MALRD1: variants seen among roughly 807,000 people sequenced by gnomAD.
MALRD1 encodes the protein MAM and LDL-receptor class A domain-containing protein 1.
A neutral mutation model predicts 242.1 loss-of-function variants in MALRD1; 247 were observed. The observed-to-expected ratio is 1.02, with a 90% confidence interval of 0.92 to 1.13. The LOEUF is 1.13. Ranked by LOEUF, MALRD1 falls within the 50% of genes most tolerant of loss-of-function variation. The pLI, the probability that MALRD1 is intolerant of heterozygous loss-of-function variation, is 0.00. For missense variants in MALRD1, 2,989 were observed against 2,533.1 expected (o/e 1.18, Z -3.86); for synonymous variants, 995 against 866.6 (o/e 1.15, Z -2.60).
At chr10:19,714,921 A>G (rs900448568) in intron 38 of MALRD1, among the ~76,000 whole-genome samples, 1 of 152,102 alleles carries the variant, frequency 6.6e-6, no homozygotes, top group African/African-American at 2.4e-5. Flanking sequence ...CATAAATAGA[A>G]CTTGGGAAAT....
intron 33 of MALRD1, among the ~76,000 whole-genome samples, chr10:19,575,574 A>G (rs1030592719): frequency 2.0e-5 from 3 of 152,246 alleles, no homozygotes; most frequent in African/African-American, 7.2e-5. Flanking sequence ...AATTTTTTTC[A>G]TAATAAGGAT....
chr10:19,633,338 C>T (rs1397315123), intron 36 of MALRD1, among the ~76,000 whole-genome samples: 1 of 152,144 alleles, frequency 6.6e-6, no homozygotes, highest in Non-Finnish European at 1.5e-5. Flanking sequence ...TAATTAACTT[C>T]GAGGGGACTT....
At chr10:19,164,074 C>T (rs1834563543) in intron 12 of MALRD1, among the ~76,000 whole-genome samples, 1 of 152,210 alleles carries the variant, frequency 6.6e-6, no homozygotes, top group Admixed American at 6.5e-5. Context: ...CATGAATCCT[C>T]TCTTTCCATG....
At chr10:19,390,751 A>C (rs959010860) in intron 28 of MALRD1, among the ~76,000 whole-genome samples, 9 of 152,156 alleles carry the variant, frequency 5.9e-5, no homozygotes, top group Non-Finnish European at 1.3e-4. Flanking sequence ...CAAAGAGCTT[A>C]TACCTATGAA....
At chr10:19,417,008 A>G (rs977484145) in intron 28 of MALRD1, among the ~76,000 whole-genome samples, 1 of 152,218 alleles carries the variant, frequency 6.6e-6, no homozygotes. Context: ...GTCACATTCA[A>G]CAACTATGGC....
At chr10:19,389,716 T>A (rs996479673) in intron 28 of MALRD1, 107 bp downstream of exon 28, 1 of 1,226,922 alleles carries the variant, frequency 8.2e-7, no homozygotes, top group African/African-American at 1.5e-5. Flanking sequence ...CATGGCTTAC[T>A]GCAGCCTCCA....
At chr10:19,430,614 T>C (rs1373491697) in intron 28 of MALRD1, among the ~76,000 whole-genome samples, 1 of 152,196 alleles carries the variant, frequency 6.6e-6, no homozygotes, top group Non-Finnish European at 1.5e-5. Flanking sequence ...ATGTTTTCCT[T>C]GCCTTTTATC....
At chr10:19,376,542 C>CTTTTT (rs57836152) in intron 26 of MALRD1, among the ~76,000 whole-genome samples, 7 of 94,990 alleles carry the variant, frequency 7.4e-5, no homozygotes, top group African/African-American at 2.0e-4. Context: ...TTGATACATT[C>CTTTTT]TTTTTTTTTT....
At position 19,155,103 on chromosome 10, in the gene MALRD1, C is replaced by A; in HGVS notation, c.1587C>A (p.Arg529=). 1 of 1,231,596 alleles carries A rather than the reference C, an allele frequency of 8.1e-7. No homozygotes were observed. The highest frequency in any genetic ancestry group is 1.6e-5 in the African/African-American group (1 of 64,502). The allele number at this position is 1,231,596 out of a possible 1,614,324, so 76.3% of individuals were successfully genotyped here. A position where few individuals can be genotyped will look rare whatever the true frequency, so the allele number is the denominator to read the frequency against. The change falls in exon 12 of 40, where the codon CGC becomes CGA. Residue 529 remains arginine (R), a synonymous_variant. Transcript: ENST00000454679. The stretch of plus-strand genomic sequence containing the variant: ...CGTTTATTTATTTGGAGGCACAGCG[C>A]TCCCCCGGGGTGGCCAAGCTTGGAA... ...HGSFIYLEAQ[R]SPGVAKLGSP...
intron 28 of MALRD1, among the ~76,000 whole-genome samples, chr10:19,449,388 G>C (rs1313894357): frequency 6.6e-6 from 1 of 152,172 alleles, no homozygotes; most frequent in Admixed American, 6.5e-5. Flanking sequence ...TATTGGCCAA[G>C]ATGGTCTCAA....
chr10:19,359,694 G>A (rs1282910002), intron 26 of MALRD1, among the ~76,000 whole-genome samples: 3 of 151,860 alleles, frequency 2.0e-5, no homozygotes, highest in Admixed American at 1.3e-4. Flanking sequence ...AAGACATCAC[G>A]AGGTAGGAGA....
intron 26 of MALRD1, among the ~76,000 whole-genome samples, chr10:19,375,832 A>C (rs11009655): frequency 0.64 from 97,471 of 152,158 alleles, 31,717 homozygotes; most frequent in African/African-American, 0.75. Context: ...AAAAAGAAAA[A>C]TCTCCAGGCG....
At chr10:19,730,449 C>A (rs1026519787) in intron 38 of MALRD1, 9 of 497,824 alleles carry the variant, frequency 1.8e-5, no homozygotes, top group Admixed American at 3.2e-5. Flanking sequence ...TTTGCAATTT[C>A]TTTTATTTGC....
intron 28 of MALRD1, among the ~76,000 whole-genome samples, chr10:19,415,126 T>A (rs1009359356): frequency 1.3e-5 from 2 of 152,164 alleles, no homozygotes; most frequent in African/African-American, 4.8e-5. Context: ...TTTGTTGTTG[T>A]TTAAACACCA....
At chr10:19,235,196 G>A (rs1035727218) in intron 18 of MALRD1, among the ~76,000 whole-genome samples, 1 of 152,070 alleles carries the variant, frequency 6.6e-6, no homozygotes, top group Non-Finnish European at 1.5e-5. Flanking sequence ...CGCTCTTTTG[G>A]CTGTAAGGGG....
intron 14 of MALRD1, among the ~76,000 whole-genome samples, chr10:19,189,872 G>A (rs968168414): frequency 1.3e-5 from 2 of 152,064 alleles, no homozygotes; most frequent in Admixed American, 6.5e-5. Flanking sequence ...ATTGGTGAAA[G>A]ACTAAAAGCT....
At chr10:19,073,271 TA>T (rs1835212427) in intron 2 of MALRD1, among the ~76,000 whole-genome samples, 1 of 152,086 alleles carries the variant, frequency 6.6e-6, no homozygotes, top group Non-Finnish European at 1.5e-5. Flanking sequence ...AATATTAAAA[TA>T]AAAATGTATT....
chr10:19,368,311 C>A (rs1432054715), intron 26 of MALRD1, among the ~76,000 whole-genome samples: 1 of 151,818 alleles, frequency 6.6e-6, no homozygotes, highest in Non-Finnish European at 1.5e-5. Context: ...GAGGCGGGGG[C>A]CTAGTTTCCT....
chr10:19,227,770 C>T (rs1400902387), intron 18 of MALRD1, among the ~76,000 whole-genome samples: 2 of 151,980 alleles, frequency 1.3e-5, no homozygotes, highest in Admixed American at 6.6e-5. Context: ...ACACAGATAA[C>T]TCATTTAATA....
Sources: allele counts gnomAD v4.1 joint callset (sites outside exome capture counted in the v4.1 genomes callset), GRCh38; gene constraint gnomAD v4.1.1; transcripts MANE v1.5; gene names NCBI Gene and HGNC (gene_info 2026-07-23, HGNC 2026-07-21).